UST: variants seen among roughly 807,000 people sequenced by gnomAD.
UST encodes chondroitin sulfate 2-O-sulfotransferase.
Under a neutral mutation model 45.6 loss-of-function variants are expected in UST, and 21 were observed. That is an observed-to-expected ratio of 0.46 (90% CI 0.33 to 0.66). The LOEUF (loss-of-function observed/expected upper bound fraction) is 0.66, where lower values mean the gene tolerates loss of function less well. Ranked by LOEUF, UST falls within the 30% of genes least tolerant of loss-of-function variation. The pLI is 0.02. For synonymous variants in UST, 215 were observed against 200.6 expected (o/e 1.07, Z -0.61); for missense variants, 463 against 512.4 (o/e 0.90, Z 0.93).
intron 5 of UST, among the ~76,000 whole-genome samples, chr6:148,987,487 CAAA>C (rs567882255): frequency 3.3e-5 from 5 of 149,468 alleles, no homozygotes; most frequent in Non-Finnish European, 5.9e-5. Flanking sequence ...ACGTGAATAA[CAAA>C]AAAAAAATTT....
chr6:148,809,186 A>G (rs1343887927), intron 1 of UST, among the ~76,000 whole-genome samples: 2 of 152,230 alleles, frequency 1.3e-5, no homozygotes, highest in Non-Finnish European at 2.9e-5. Flanking sequence ...CACTGTCCTC[A>G]GAGTTTCTCA....
intron 7 of UST, among the ~76,000 whole-genome samples, chr6:149,031,450 T>C (rs1231860342): frequency 6.6e-6 from 1 of 152,218 alleles, no homozygotes; most frequent in Non-Finnish European, 1.5e-5. Context: ...TAATTTACTT[T>C]ATGAAAGCTT....
At chr6:148,879,324 C>T (rs1420886083) in intron 1 of UST, among the ~76,000 whole-genome samples, 5 of 152,262 alleles carry the variant, frequency 3.3e-5, no homozygotes, top group South Asian at 2.1e-4. Flanking sequence ...AATCTCCCAC[C>T]GGAAATGATG....
At chr6:148,751,334 G>T (rs999260081) in intron 1 of UST, among the ~76,000 whole-genome samples, 1 of 152,144 alleles carries the variant, frequency 6.6e-6, no homozygotes, top group Admixed American at 6.5e-5. Context: ...ACCAGCCAAC[G>T]GCACCCACCC....
At chr6:149,029,513 A>G (rs1776108904) in intron 7 of UST, among the ~76,000 whole-genome samples, 1 of 147,688 alleles carries the variant, frequency 6.8e-6, no homozygotes, top group Non-Finnish European at 1.5e-5. Context: ...TTATATAGAT[A>G]CACCACTAAC....
intron 7 of UST, among the ~76,000 whole-genome samples, chr6:149,036,362 A>AT (rs1371316583): frequency 7.2e-5 from 11 of 152,182 alleles, no homozygotes; most frequent in Admixed American, 1.3e-4. Flanking sequence ...GCCTAATCGG[A>AT]TGCGTGCCTC....
chr6:149,005,772 G>A (rs1775674699), intron 5 of UST, among the ~76,000 whole-genome samples: 1 of 152,192 alleles, frequency 6.6e-6, no homozygotes, highest in Non-Finnish European at 1.5e-5. Flanking sequence ...ACCTAGCTGA[G>A]AGCCATGTTT....
chr6:149,017,335 C>CCGT (rs1775917705), intron 5 of UST, among the ~76,000 whole-genome samples: 1 of 151,618 alleles, frequency 6.6e-6, no homozygotes. Context: ...CGAGATCACG[C>CCGT]CACTGCAGTC....
intron 1 of UST, among the ~76,000 whole-genome samples, chr6:148,877,693 A>G (rs1358146981): frequency 1.4e-5 from 1 of 70,466 alleles, no homozygotes; most frequent in South Asian, 5.5e-4. Context: ...GGGGTCATGT[A>G]TGAGTGTGAG....
chr6:148,878,454 G>C (rs1778753351), intron 1 of UST, among the ~76,000 whole-genome samples: 1 of 131,796 alleles, frequency 7.6e-6, no homozygotes. Context: ...GTGTATGAGT[G>C]GGGTGTCGTG....
intron 2 of UST, among the ~76,000 whole-genome samples, chr6:148,922,492 CTT>C (rs10634690): frequency 1.2e-4 from 17 of 140,698 alleles, no homozygotes; most frequent in Admixed American, 1.4e-4. Flanking sequence ...CTTTCTTTTT[CTT>C]TTTTTTTTTT....
Position 148,964,463 on chromosome 6 carries a change from G to A in UST, c.581G>A (p.Arg194Gln), listed in dbSNP as rs764103894. 6 of 1,614,068 alleles carry A rather than the reference G, an allele frequency of 3.7e-6. No individual in the cohort carries two copies. The African/African-American group carries it at 5.3e-5, about 14-fold the overall frequency. The change falls in exon 5 of 8, where the codon CGG becomes CAG. Residue 194 changes from arginine to glutamine, a missense_variant. This residue lies in a region of UST where 287 missense variants were observed against 374.2 expected (regional missense o/e 0.77). Transcript: ENST00000367463. ...YINIIRDPVN[R>Q]FLSNYFFRRF... ...AACATCATTAGAGACCCCGTCAACC[G>A]GTTCTTATCCAACTATTTTTTCCGT... is the stretch of plus-strand genomic sequence containing the variant.
chr6:148,919,483 C>G (rs77441048), intron 2 of UST, among the ~76,000 whole-genome samples: 4,924 of 151,998 alleles, frequency 0.032, 272 homozygotes, highest in African/African-American at 0.11. Flanking sequence ...AGATGACTAT[C>G]AACACCTGCT....
At chr6:149,030,738 C>A (rs545334436) in intron 7 of UST, among the ~76,000 whole-genome samples, 2 of 150,970 alleles carry the variant, frequency 1.3e-5, no homozygotes, top group Admixed American at 1.3e-4. Flanking sequence ...GTTACCTTAA[C>A]ACACACACAA....
chr6:148,923,835 C>T (rs1021208901), intron 2 of UST, among the ~76,000 whole-genome samples: 3 of 152,134 alleles, frequency 2.0e-5, no homozygotes, highest in Non-Finnish European at 4.4e-5. Context: ...TGTAGTTGGT[C>T]GCTTGGAAGC....
chr6:148,906,607 C>T lies in UST; in HGVS notation c.291+19578C>T, dbSNP rs545783667. Among the ~76,000 whole-genome samples the T allele has an allele frequency of 7.6e-4, 116 of 152,228 alleles. 2 individuals carry two copies. The highest frequency in any genetic ancestry group is 5.4e-3 in the Admixed American group (82 of 15,282). ...GTGCAAAAGTGATTGCGGTTTTTGT[C>T]ATGAAAGGTGATAGTATAGTATTTG... On this transcript the variant is annotated intron_variant, in intron 2 of 7. Coordinates refer to ENST00000367463, the MANE Select transcript of UST (RefSeq NM_005715.3).
At chr6:148,912,133 G>T (rs1779487976) in intron 2 of UST, among the ~76,000 whole-genome samples, 1 of 152,218 alleles carries the variant, frequency 6.6e-6, no homozygotes, top group Admixed American at 6.5e-5. Flanking sequence ...GGAGACGGAG[G>T]TTGCAGTGAG....
intron 2 of UST, among the ~76,000 whole-genome samples, chr6:148,930,755 A>G (rs1779906478): frequency 6.6e-6 from 1 of 152,200 alleles, no homozygotes; most frequent in African/African-American, 2.4e-5. Flanking sequence ...GTGACTGGTC[A>G]GGGGCCATTA....
chr6:149,022,426 CCT>C (rs1263974860), intron 7 of UST, among the ~76,000 whole-genome samples: 3 of 151,922 alleles, frequency 2.0e-5, no homozygotes, highest in Non-Finnish European at 4.4e-5. Context: ...ACGGAGAAAC[CCT>C]GTCTCTACTA....
Sources: allele counts gnomAD v4.1 joint callset (sites outside exome capture counted in the v4.1 genomes callset), GRCh38; gene constraint gnomAD v4.1.1; regional missense constraint gnomAD v4.1.1; transcripts MANE v1.5; gene names NCBI Gene and HGNC (gene_info 2026-07-23, HGNC 2026-07-21).